The following PHAX variants were observed in gnomAD, a reference collection of about 807,000 sequenced individuals.
PHAX encodes the protein phosphorylated adapter RNA export protein.
PHAX carries 31 observed loss-of-function variants against 41.6 expected under a neutral mutation model. The observed-to-expected ratio is 0.75, with a 90% confidence interval of 0.56 to 1.01. The LOEUF is 1.01. PHAX is among the 50% of genes least tolerant of loss of function. PHAX has a pLI of 0.00. For missense variants in PHAX, 453 were observed against 472.9 expected, an observed-to-expected ratio of 0.96 and a Z score of 0.39; for synonymous variants, 175 against 164.9, an observed-to-expected ratio of 1.06 and a Z score of -0.47.
rs867347534 is a variant in PHAX at position 126,625,756 on chromosome 5, C to T, written c.*912C>T. On this transcript the variant is annotated 3_prime_UTR_variant, in exon 5 of 5. Coordinates refer to ENST00000297540, the MANE Select transcript of PHAX (RefSeq NM_032177.4). ...TTGATCTGTCACCCAGGCTGGAGTA[C>T]AGTGGCAGGATCTCAGCTTACTGCA... 14 of 151,958 alleles carry T rather than the reference C, an allele frequency of 9.2e-5. No individual in the cohort carries two copies. The highest frequency in any genetic ancestry group is 3.4e-4 in the African/African-American group (14 of 41,370). 9.4% of individuals were successfully genotyped at this position (151,958 alleles called of 1,614,324 possible).
chr5:126,617,259 CGAA>C lies in PHAX; in HGVS notation c.848_850del (p.Arg283del). On this transcript the variant is annotated inframe_deletion, in exon 4 of 5. Transcript: ENST00000297540. ...CTGTTCCTTTTTGTAGAATGGTAGT[CGAA>C]GAAGAACACCAGGTGGAGTTTTTCT... 1 of 1,607,356 alleles carries C rather than the reference CGAA, an allele frequency of 6.2e-7. No homozygotes were observed. The highest frequency in any genetic ancestry group is 8.5e-7 in the Non-Finnish European group (1 of 1,174,796).
At chr5:126,608,971 G>A (rs1208585546) in intron 3 of PHAX, among the ~76,000 whole-genome samples, 2 of 150,230 alleles carry the variant, frequency 1.3e-5, no homozygotes, top group African/African-American at 4.9e-5. Flanking sequence ...AAAAAAATTA[G>A]TACAGTTGTT....
chr5:126,609,858 G>A (rs1269810258), intron 3 of PHAX, among the ~76,000 whole-genome samples: 2 of 152,022 alleles, frequency 1.3e-5, no homozygotes, highest in African/African-American at 4.8e-5. Flanking sequence ...CCCTGCCTCA[G>A]CCTCCCAAGT....
At chr5:126,616,582 T>A (rs1176197253) in intron 3 of PHAX, among the ~76,000 whole-genome samples, 1 of 152,082 alleles carries the variant, frequency 6.6e-6, no homozygotes, top group Non-Finnish European at 1.5e-5. Context: ...TGTTTTAACA[T>A]CTAATAGAAT....
intron 2 of PHAX, among the ~76,000 whole-genome samples, chr5:126,605,735 G>C (rs559374698): frequency 1.3e-5 from 2 of 152,278 alleles, no homozygotes; most frequent in Admixed American, 1.3e-4. Context: ...GAATAATTTT[G>C]TAGACTTTTA....
intron 4 of PHAX, among the ~76,000 whole-genome samples, chr5:126,618,896 A>T (rs1407619486): frequency 6.6e-6 from 1 of 151,992 alleles, no homozygotes; most frequent in Admixed American, 6.6e-5. Flanking sequence ...TGACCTCGTG[A>T]TCTGCCTGCC....
chr5:126,617,393 A>C, intron 4 of PHAX, 60 bp downstream of exon 4: 2 of 941,784 alleles, frequency 2.1e-6, no homozygotes, highest in Non-Finnish European at 3.3e-6. Flanking sequence ...CTCACCCTCT[A>C]CCTTCATTTT....
chr5:126,603,998 A>G lies in PHAX; in HGVS notation c.525A>G (p.Leu175=), dbSNP rs754872201. ...ATACAAAAGATCTAGACAAGGAACT[A>G]GATGAATATATGCATGGTGGCAAAA... The part of the protein sequence containing the change: ...QEHTKDLDKE[L]DEYMHGGKKM... The change falls in exon 2 of 5, where the codon CTA becomes CTG. Residue 175 remains leucine (L), a synonymous_variant. Coordinates refer to ENST00000297540, the MANE Select transcript of PHAX (RefSeq NM_032177.4). 1 of 1,614,140 alleles carries G rather than the reference A, an allele frequency of 6.2e-7. No individual in the cohort carries two copies. The highest frequency in any genetic ancestry group is 1.7e-5 in the Admixed American group (1 of 59,992).
intron 3 of PHAX, among the ~76,000 whole-genome samples, chr5:126,612,696 G>A (rs751989547): frequency 5.3e-5 from 8 of 151,742 alleles, no homozygotes; most frequent in African/African-American, 1.7e-4. Flanking sequence ...AGCGAAACTC[G>A]GTCTCAAAAA....
chr5:126,603,910 G>A lies in PHAX; in HGVS notation c.437G>A (p.Ser146Asn). 1 of 1,613,396 alleles carries A rather than the reference G, an allele frequency of 6.2e-7. No homozygotes were observed. Among genetic ancestry groups the A allele is most frequent in the Non-Finnish European group, 8.5e-7 (1 of 1,179,864 alleles). The change falls in exon 2 of 5, where the codon AGC (serine) becomes AAC (asparagine). Residue 146 changes from serine (S) to asparagine (N), a missense_variant. Physicochemically the swap from Ser to Asn is conservative, Grantham distance 46. Coordinates refer to ENST00000297540, the MANE Select transcript of PHAX (RefSeq NM_032177.4). ...ILGMEGTIDR[S>N]RQSETYNYLL... ...GGAATGGAGGGCACTATTGACAGAA[G>A]CAGACAATCCGAGACCTACAATTAT...
chr5:126,609,890 A>C (rs114905300), intron 3 of PHAX, among the ~76,000 whole-genome samples: 8,608 of 152,098 alleles, frequency 0.057, 447 homozygotes, highest in African/African-American at 0.14. Context: ...ATAGCCTGCC[A>C]CCACGCCCAG....
In PHAX at chr5:126,608,352, G is replaced by C; in HGVS notation, c.711-12G>C. The C allele has an allele frequency of 6.2e-7, 1 of 1,610,760 alleles. No individual in the cohort carries two copies. The highest frequency in any genetic ancestry group is 8.5e-7 in the Non-Finnish European group (1 of 1,178,530). On this transcript the variant is annotated splice_polypyrimidine_tract_variant and intron_variant, in intron 2 of 4. Coordinates refer to ENST00000297540, the MANE Select transcript of PHAX (RefSeq NM_032177.4). ...ACAAACAAAGAGGATAATTTTACTTGTTTCTCATCAGGTTACAGGAACCAA... is the reference window on the plus strand; with the variant it reads ...ACAAACAAAGAGGATAATTTTACTTCTTTCTCATCAGGTTACAGGAACCAA...
chr5:126,607,124 G>A (rs1396301575), intron 2 of PHAX, among the ~76,000 whole-genome samples: 33 of 152,200 alleles, frequency 2.2e-4, no homozygotes. Context: ...CGGTTCAAGA[G>A]TAATGCAGGT....
At chr5:126,602,421 A>T (rs1751917977) in intron 1 of PHAX, among the ~76,000 whole-genome samples, 1 of 152,226 alleles carries the variant, frequency 6.6e-6, no homozygotes, top group African/African-American at 2.4e-5. Flanking sequence ...TGGAATTGGC[A>T]TGATGTACCA....
intron 3 of PHAX, among the ~76,000 whole-genome samples, chr5:126,611,243 A>G (rs1752092839): frequency 6.6e-6 from 1 of 151,990 alleles, no homozygotes; most frequent in Non-Finnish European, 1.5e-5. Flanking sequence ...TAATAGAGAC[A>G]GGGTTTCTCC....
intron 3 of PHAX, among the ~76,000 whole-genome samples, chr5:126,609,095 A>ATTTTTTTTTTTGT (rs1752037806): frequency 9.9e-6 from 1 of 101,256 alleles, no homozygotes; most frequent in African/African-American, 4.8e-5. Context: ...TAGGGGTTGA[A>ATTTTTTTTTTTGT]TTTTTTTTTT....
intron 4 of PHAX, among the ~76,000 whole-genome samples, chr5:126,621,059 C>T (rs574610536): frequency 1.3e-5 from 2 of 151,676 alleles, no homozygotes; most frequent in African/African-American, 2.4e-5. Flanking sequence ...TAAAAAGAGA[C>T]GGTTTCACTC....
chr5:126,608,336 G>A, intron 2 of PHAX, 28 bp from the exon 3 acceptor site: 2 of 1,603,588 alleles, frequency 1.2e-6, no homozygotes, highest in South Asian at 1.1e-5. Context: ...AACAAACAAA[G>A]AGGATAATTT....
chr5:126,601,663 C>T (rs897582792), intron 1 of PHAX, among the ~76,000 whole-genome samples: 1 of 152,088 alleles, frequency 6.6e-6, no homozygotes, highest in African/African-American at 2.4e-5. Flanking sequence ...TTGCATTAGC[C>T]TCTCTGATTT....
Sources: allele counts gnomAD v4.1 joint callset (sites outside exome capture counted in the v4.1 genomes callset), GRCh38; gene constraint gnomAD v4.1.1; transcripts MANE v1.5; gene names NCBI Gene and HGNC (gene_info 2026-07-23, HGNC 2026-07-21).